RMST: variants seen among roughly 807,000 people sequenced by gnomAD.
RMST encodes the protein rhabdomyosarcoma 2 associated transcript.
chr12:97,521,304 G>A (rs1250074691), intron 10 of RMST, among the ~76,000 whole-genome samples: 2 of 152,074 alleles, frequency 1.3e-5, no homozygotes, highest in Admixed American at 6.6e-5. Context: ...AATTTCAGCT[G>A]AGCATAAAAC....
chr12:97,507,207 C>T (rs1393155629), intron 10 of RMST, among the ~76,000 whole-genome samples: 3 of 150,440 alleles, frequency 2.0e-5, no homozygotes, highest in East Asian at 2.0e-4. Flanking sequence ...TATATGATTA[C>T]ATGTCTGCTT....
At chr12:97,547,513 G>C (rs1883027650) in intron 11 of RMST, among the ~76,000 whole-genome samples, 1 of 152,014 alleles carries the variant, frequency 6.6e-6, no homozygotes, top group Admixed American at 6.6e-5. Context: ...CTAACCAATG[G>C]TGTGAGAGGA....
At chr12:97,472,792 A>G (rs1040359577) in intron 5 of RMST, among the ~76,000 whole-genome samples, 1 of 152,120 alleles carries the variant, frequency 6.6e-6, no homozygotes, top group African/African-American at 2.4e-5. Flanking sequence ...ATAGTGTACA[A>G]TCTTTTAGAC....
chr12:97,489,801 T>C (rs1325149981), intron 5 of RMST, among the ~76,000 whole-genome samples: 4 of 152,246 alleles, frequency 2.6e-5, no homozygotes, highest in East Asian at 3.9e-4. Context: ...TTGATATGTG[T>C]CATGCACTGG....
intron 10 of RMST, among the ~76,000 whole-genome samples, chr12:97,512,739 C>T (rs1203220783): frequency 6.6e-6 from 1 of 152,252 alleles, no homozygotes; most frequent in African/African-American, 2.4e-5. Context: ...GGATCCCGCA[C>T]CGGGGCTGCA....
chr12:97,515,995 A>AT (rs1324257263), intron 10 of RMST, among the ~76,000 whole-genome samples: 2 of 151,638 alleles, frequency 1.3e-5, no homozygotes, highest in African/African-American at 4.8e-5. Context: ...TTTGTTGGTA[A>AT]TTTTTTCTTT....
intron 10 of RMST, among the ~76,000 whole-genome samples, chr12:97,497,057 C>G (rs1271727604): frequency 3.3e-5 from 5 of 152,164 alleles, no homozygotes; most frequent in Non-Finnish European, 7.3e-5. Flanking sequence ...TCTTCTTTCC[C>G]TGGAGTCTGC....
rs1458329141 is a variant in RMST, at chr12:97,497,940, G to T, written n.1340+1884G>T. 2.0e-5 allele frequency among the ~76,000 whole-genome samples: 3 copies of T among 152,056 alleles called. No homozygotes were observed. The East Asian group carries it at 5.8e-4, about 29-fold the overall frequency. ...GTGACGTAAAGTTAATAGACCCCTT[G>T]AACAGATTCATCTTGAAATATGAAG... On this transcript the variant is annotated intron_variant and non_coding_transcript_variant, in intron 10 of 13. Transcript: ENST00000640149.
intron 5 of RMST, among the ~76,000 whole-genome samples, chr12:97,488,416 C>T (rs1256415391): frequency 2.0e-5 from 3 of 152,210 alleles, no homozygotes; most frequent in African/African-American, 7.2e-5. Flanking sequence ...TGAGGCTACA[C>T]ACCAACCCCT....
intron 10 of RMST, among the ~76,000 whole-genome samples, chr12:97,504,599 A>G (rs1285969982): frequency 6.6e-6 from 1 of 152,098 alleles, no homozygotes; most frequent in East Asian, 1.9e-4. Context: ...ATATCATAAA[A>G]CCTTACCTTT....
intron 11 of RMST, chr12:97,541,155 T>C (rs981998084): frequency 2.6e-5 from 4 of 151,638 alleles, no homozygotes; most frequent in African/African-American, 9.7e-5. Flanking sequence ...TATACAACAC[T>C]TCATAGCTCA....
intron 13 of RMST, among the ~76,000 whole-genome samples, chr12:97,561,603 C>A (rs1884106158): frequency 7.3e-6 from 1 of 136,456 alleles, no homozygotes; most frequent in African/African-American, 2.7e-5. Flanking sequence ...TTAAACATCA[C>A]TTTCAGTGTG....
At chr12:97,512,312 G>C (rs1388293548) in intron 10 of RMST, among the ~76,000 whole-genome samples, 1 of 152,204 alleles carries the variant, frequency 6.6e-6, no homozygotes, top group African/African-American at 2.4e-5. Flanking sequence ...CAAAGAGTGA[G>C]CAGCAGCAAG....
chr12:97,524,604 T>TA (rs775714981), intron 10 of RMST, among the ~76,000 whole-genome samples: 1 of 152,204 alleles, frequency 6.6e-6, no homozygotes, highest in Non-Finnish European at 1.5e-5. Flanking sequence ...AACTATCATC[T>TA]ACCTCCTGAG....
intron 11 of RMST, among the ~76,000 whole-genome samples, chr12:97,548,386 G>T (rs1384833214): frequency 6.6e-6 from 1 of 151,916 alleles, no homozygotes; most frequent in Non-Finnish European, 1.5e-5. Context: ...AGTCTTTTGT[G>T]GTTCCATACA....
At chr12:97,497,716 A>G (rs1164154140) in intron 10 of RMST, among the ~76,000 whole-genome samples, 1 of 151,948 alleles carries the variant, frequency 6.6e-6, no homozygotes, top group Non-Finnish European at 1.5e-5. Flanking sequence ...TAACTTGTTA[A>G]ATGAAAAATG....
intron 10 of RMST, among the ~76,000 whole-genome samples, chr12:97,510,895 C>T (rs1311048022): frequency 1.3e-5 from 2 of 151,896 alleles, no homozygotes; most frequent in African/African-American, 4.8e-5. Flanking sequence ...GTTGATTTGT[C>T]ATTGTGCAAA....
At chr12:97,478,247 G>C (rs571081965) in intron 5 of RMST, among the ~76,000 whole-genome samples, 3 of 152,172 alleles carry the variant, frequency 2.0e-5, no homozygotes, top group African/African-American at 7.2e-5. Flanking sequence ...TCTCTTCTAA[G>C]ATGTACACCA....
At chr12:97,489,813 G>T (rs1298337650) in intron 5 of RMST, among the ~76,000 whole-genome samples, 1 of 152,138 alleles carries the variant, frequency 6.6e-6, no homozygotes, top group African/African-American at 2.4e-5. Context: ...ATGCACTGGG[G>T]TAAGCATTTT....
Sources: gnomAD v4.1 joint callset for allele counts (sites outside exome capture counted in the v4.1 genomes callset) on GRCh38, gnomAD v4.1.1 for gene constraint, MANE v1.5 for transcripts, NCBI Gene and HGNC (gene_info 2026-07-23, HGNC 2026-07-21) for gene names.